The following FYB2 variants were observed in gnomAD, a reference collection of about 807,000 sequenced individuals.
FYB2 encodes FYN binding protein 2.
A neutral mutation model predicts 94.1 loss-of-function variants in FYB2; 103 were observed. That is an observed-to-expected ratio of 1.09 (90% CI 0.93 to 1.29). The LOEUF is 1.29. Ranked by LOEUF, FYB2 falls within the 50% of genes most tolerant of loss-of-function variation. The probability of loss-of-function intolerance (pLI) is 0.00; values close to 1 mark genes in which losing one functional copy is unlikely to be tolerated. For missense variants in FYB2, 896 were observed against 841.5 expected (o/e 1.06, Z -0.80); for synonymous variants, 293 against 287.9 (o/e 1.02, Z -0.18).
At chr1:56,781,657 A>G (rs1646011849) in intron 4 of FYB2, among the ~76,000 whole-genome samples, 2 of 152,276 alleles carry the variant, frequency 1.3e-5, no homozygotes, top group Admixed American at 6.5e-5. Flanking sequence ...TTTATTATTT[A>G]TACAGCATCC....
intron 4 of FYB2, among the ~76,000 whole-genome samples, chr1:56,779,839 T>C (rs1324686389): frequency 2.6e-5 from 4 of 152,314 alleles, no homozygotes; most frequent in East Asian, 1.9e-4. Context: ...GGAAAAATTC[T>C]GGCTGAGTCA....
chr1:56,820,747 C>A (rs998843431), upstream of FYB2, among the ~76,000 whole-genome samples: 1 of 152,146 alleles, frequency 6.6e-6, no homozygotes, highest in Non-Finnish European at 1.5e-5. Context: ...TTTATAAAAG[C>A]CTTTGAGGTC....
At chr1:56,785,538 G>A (rs987033790) in intron 4 of FYB2, among the ~76,000 whole-genome samples, 1 of 152,190 alleles carries the variant, frequency 6.6e-6, no homozygotes, top group African/African-American at 2.4e-5. Context: ...AGTTCCCAGA[G>A]CACATGAATT....
In FYB2 at chr1:56,767,835, C is replaced by CAA. The variant is rs777667397; in HGVS notation, c.1055_1056dup (p.Ala353LeufsTer34). ...ATTGGCTTAGCAGACTTACGATCAG[C>CAA]AATTTCTTTTGCAGTGCACAGGTTA... is the stretch of plus-strand genomic sequence containing the variant. On this transcript the variant is annotated frameshift_variant, in exon 5 of 20. Transcript: ENST00000343433. LOFTEE classifies it high-confidence loss of function. 3.1e-6 allele frequency: 5 copies of CAA among 1,599,564 alleles called. No individual in the cohort carries two copies. In the East Asian group the frequency reaches 8.9e-5, roughly 29 times the overall value.
At chr1:56,787,296 A>ATTATCTGT in intron 3 of FYB2, 88 bp from the exon 4 acceptor site, 1 of 1,514,736 alleles carries the variant, frequency 6.6e-7, no homozygotes, top group Non-Finnish European at 9.2e-7. Flanking sequence ...TTGATCCCAC[A>ATTATCTGT]GATAATGTGG....
chr1:56,818,825 A>G (rs899183314), intron 1 of FYB2, among the ~76,000 whole-genome samples: 1 of 152,138 alleles, frequency 6.6e-6, no homozygotes, highest in African/African-American at 2.4e-5. Context: ...AACCCGGTCT[A>G]GAGCCACAAG....
intron 12 of FYB2, among the ~76,000 whole-genome samples, 178 bp downstream of exon 12, chr1:56,741,983 T>C (rs1644964861): frequency 6.6e-6 from 1 of 151,960 alleles, no homozygotes; most frequent in Admixed American, 6.6e-5. Flanking sequence ...TGATCACAAT[T>C]GTAATATTAC....
At chr1:56,719,864 GTCTCT>G (rs1345833259) in intron 19 of FYB2, among the ~76,000 whole-genome samples, 153 bp downstream of exon 19, 3 of 148,414 alleles carry the variant, frequency 2.0e-5, no homozygotes, top group Non-Finnish European at 1.5e-5. Flanking sequence ...CAGTAATAAA[GTCTCT>G]TCCAACATAA....
chr1:56,818,206 G>A (rs773292693), intron 1 of FYB2, among the ~76,000 whole-genome samples: 34 of 152,124 alleles, frequency 2.2e-4, no homozygotes, highest in Non-Finnish European at 4.3e-4. Flanking sequence ...AGAACTCAGA[G>A]GAGGGAGATG....
At chr1:56,762,868 G>A (rs1293287129) in intron 5 of FYB2, among the ~76,000 whole-genome samples, 1 of 152,168 alleles carries the variant, frequency 6.6e-6, no homozygotes, top group Non-Finnish European at 1.5e-5. Flanking sequence ...ATGATTAGCT[G>A]TAGGCTTGCT....
intron 4 of FYB2, among the ~76,000 whole-genome samples, chr1:56,779,767 T>C (rs1386420517): frequency 6.6e-6 from 1 of 152,124 alleles, no homozygotes; most frequent in African/African-American, 2.4e-5. Flanking sequence ...GTGAAAAATA[T>C]ATATGATCCT....
chr1:56,786,467 T>C (rs1646134916), intron 4 of FYB2, among the ~76,000 whole-genome samples: 1 of 152,172 alleles, frequency 6.6e-6, no homozygotes, highest in Non-Finnish European at 1.5e-5. Flanking sequence ...AGTAATATGA[T>C]TATTTATTGT....
intron 14 of FYB2, 161 bp from the exon 15 acceptor site, chr1:56,737,308 A>G (rs1019604693): frequency 1.1e-5 from 5 of 462,026 alleles, no homozygotes; most frequent in African/African-American, 1.0e-4. Flanking sequence ...AGAATCAAAG[A>G]ATAAAAATAT....
At chr1:56,724,865 G>C (rs1394084938) in intron 16 of FYB2, among the ~76,000 whole-genome samples, 1 of 151,980 alleles carries the variant, frequency 6.6e-6, no homozygotes, top group Non-Finnish European at 1.5e-5. Context: ...CCCTAATGTT[G>C]GAGGTGGGGC....
intron 1 of FYB2, among the ~76,000 whole-genome samples, chr1:56,797,396 A>G (rs1646424520): frequency 6.6e-6 from 1 of 152,168 alleles, no homozygotes; most frequent in Non-Finnish European, 1.5e-5. Flanking sequence ...TTCTAGGTAA[A>G]GCAGCATCTC....
intron 2 of FYB2, among the ~76,000 whole-genome samples, chr1:56,791,254 C>T (rs74951234): frequency 2.2e-3 from 312 of 143,684 alleles, no homozygotes; most frequent in Non-Finnish European, 3.5e-3. Context: ...AAACTACAGT[C>T]CTTATCTTTT....
upstream of FYB2, among the ~76,000 whole-genome samples, chr1:56,821,665 C>T (rs1646993405): frequency 6.6e-6 from 1 of 152,200 alleles, no homozygotes; most frequent in Non-Finnish European, 1.5e-5. Flanking sequence ...CTCTCCTCCT[C>T]AATGGTTGGT....
At chr1:56,757,503 G>A (rs1005682184) in intron 6 of FYB2, among the ~76,000 whole-genome samples, 1 of 152,006 alleles carries the variant, frequency 6.6e-6, no homozygotes, top group Non-Finnish European at 1.5e-5. Context: ...ACTTCTCCCA[G>A]ATATTCAGTG....
chr1:56,819,012 G>C (rs1214493484), intron 1 of FYB2, among the ~76,000 whole-genome samples: 1 of 152,226 alleles, frequency 6.6e-6, no homozygotes, highest in Non-Finnish European at 1.5e-5. Context: ...AGCTGGCTGG[G>C]TAGAGCTAGG....
Sources: allele counts gnomAD v4.1 joint callset (sites outside exome capture counted in the v4.1 genomes callset), GRCh38; gene constraint gnomAD v4.1.1; transcripts MANE v1.5; gene names NCBI Gene and HGNC (gene_info 2026-07-23, HGNC 2026-07-21).